Variants in CSMD1 observed in about 807,000 individuals in gnomAD.
The protein encoded by CSMD1 is CUB and sushi domain-containing protein 1.
A neutral mutation model predicts 417.5 loss-of-function variants in CSMD1; 213 were observed. The ratio of observed to expected loss-of-function variants is 0.51; its 90% CI spans 0.46 to 0.57. The LOEUF (loss-of-function observed/expected upper bound fraction) is 0.57, where lower values mean the gene tolerates loss of function less well. CSMD1 is among the 20% of genes least tolerant of loss of function. The pLI is 0.00. For synonymous variants in CSMD1, 2,862 were observed against 1,736.8 expected, an observed-to-expected ratio of 1.65 and a Z score of -16.11; for missense variants, 6,923 against 4,529.7, an observed-to-expected ratio of 1.53 and a Z score of -15.17.
intron 1 of CSMD1, among the ~76,000 whole-genome samples, chr8:4,791,676 G>C (rs565254430): frequency 6.6e-6 from 1 of 152,270 alleles, no homozygotes; most frequent in East Asian, 1.9e-4. Flanking sequence ...TTAAGACATG[G>C]AGAGAGAGGC....
chr8:4,969,280 A>G (rs1387321111), intron 1 of CSMD1, among the ~76,000 whole-genome samples: 1 of 151,962 alleles, frequency 6.6e-6, no homozygotes, highest in African/African-American at 2.4e-5. Flanking sequence ...GGCATTTTCA[A>G]TTTGCTAGGG....
intron 30 of CSMD1, among the ~76,000 whole-genome samples, chr8:3,206,971 G>T (rs1435818472): frequency 6.6e-6 from 1 of 151,950 alleles, no homozygotes. Context: ...ACCAGCGTGG[G>T]AGCCACTCAG....
At chr8:4,588,073 A>G (rs1799793041) in intron 2 of CSMD1, among the ~76,000 whole-genome samples, 1 of 152,184 alleles carries the variant, frequency 6.6e-6, no homozygotes, top group Admixed American at 6.5e-5. Context: ...AAAATCTAAT[A>G]CATGTTCAGT....
chr8:4,353,096 G>T (rs191765008), intron 3 of CSMD1, among the ~76,000 whole-genome samples: 1 of 152,166 alleles, frequency 6.6e-6, no homozygotes, highest in Non-Finnish European at 1.5e-5. Flanking sequence ...TTTTTTACCT[G>T]AAGTAATATA....
intron 37 of CSMD1, among the ~76,000 whole-genome samples, chr8:3,178,067 G>A (rs749037784): frequency 2.6e-5 from 4 of 152,148 alleles, no homozygotes; most frequent in Non-Finnish European, 5.9e-5. Context: ...GATTCTGTAA[G>A]ATTACAAAGA....
chr8:4,489,486 C>T (rs1801588966), intron 2 of CSMD1, among the ~76,000 whole-genome samples: 2 of 152,164 alleles, frequency 1.3e-5, no homozygotes, highest in Admixed American at 1.3e-4. Context: ...CCATATGCCC[C>T]ACCAGAAACG....
chr8:4,156,474 AT>A (rs1220711248), intron 3 of CSMD1, among the ~76,000 whole-genome samples: 1 of 152,134 alleles, frequency 6.6e-6, no homozygotes, highest in Non-Finnish European at 1.5e-5. Flanking sequence ...TTTATTGAGC[AT>A]TTTTATGTCC....
At chr8:4,083,992 T>C (rs999073914) in intron 3 of CSMD1, among the ~76,000 whole-genome samples, 1 of 151,926 alleles carries the variant, frequency 6.6e-6, no homozygotes, top group African/African-American at 2.4e-5. Flanking sequence ...CAAACAAATT[T>C]ACAAGAAAAA....
At chr8:4,065,121 T>C (rs765917207) in intron 3 of CSMD1, among the ~76,000 whole-genome samples, 12 of 152,262 alleles carry the variant, frequency 7.9e-5, no homozygotes, top group Admixed American at 5.9e-4. Flanking sequence ...TTCTAGTTTA[T>C]GTTTTTAGAG....
At chr8:3,383,816 G>A (rs1810793156) in intron 18 of CSMD1, among the ~76,000 whole-genome samples, 1 of 152,052 alleles carries the variant, frequency 6.6e-6, no homozygotes, top group African/African-American at 2.4e-5. Context: ...AATGTGCTCA[G>A]AACAACTGAA....
chr8:4,097,371 C>A (rs771496334), intron 3 of CSMD1, among the ~76,000 whole-genome samples: 2 of 152,184 alleles, frequency 1.3e-5, no homozygotes, highest in Non-Finnish European at 2.9e-5. Flanking sequence ...AGAATGCTTA[C>A]CACACACGGG....
At chr8:3,724,885 C>T (rs1802395878) in intron 6 of CSMD1, among the ~76,000 whole-genome samples, 1 of 152,160 alleles carries the variant, frequency 6.6e-6, no homozygotes, top group Non-Finnish European at 1.5e-5. Context: ...AGACTATTGT[C>T]GCTATTAGAT....
intron 30 of CSMD1, among the ~76,000 whole-genome samples, chr8:3,212,741 G>A (rs756562805): frequency 2.0e-5 from 3 of 152,032 alleles, no homozygotes; most frequent in Admixed American, 2.0e-4. Context: ...ATAAGAGAAT[G>A]GACTTAGAAA....
chr8:2,977,695 A>G (rs1167845210), intron 55 of CSMD1, among the ~76,000 whole-genome samples: 1 of 152,226 alleles, frequency 6.6e-6, no homozygotes, highest in South Asian at 2.1e-4. Flanking sequence ...CAAAGGTCTA[A>G]TATCCAGAAT....
chr8:4,330,052 T>A (rs753990325), intron 3 of CSMD1, among the ~76,000 whole-genome samples: 7 of 152,186 alleles, frequency 4.6e-5, no homozygotes, highest in Non-Finnish European at 1.0e-4. Context: ...CTTTTCTTCA[T>A]AAATTATGCA....
At chr8:4,394,878 C>G (rs531979390) in intron 3 of CSMD1, among the ~76,000 whole-genome samples, 4 of 152,166 alleles carry the variant, frequency 2.6e-5, no homozygotes, top group African/African-American at 9.7e-5. Flanking sequence ...ACAACCTTGT[C>G]TACACGTCTG....
chr8:3,974,061 C>T (rs1037563393), intron 5 of CSMD1, among the ~76,000 whole-genome samples: 5 of 152,014 alleles, frequency 3.3e-5, no homozygotes, highest in African/African-American at 1.2e-4. Context: ...ATAGTCTCCT[C>T]GTTGTGCTCT....
chr8:3,993,829 T>C (rs551537415), intron 5 of CSMD1, among the ~76,000 whole-genome samples: 2 of 152,354 alleles, frequency 1.3e-5, no homozygotes, highest in African/African-American at 4.8e-5. Context: ...TATGTAGTGT[T>C]CTTCCAGGTA....
At position 3,991,383 on chromosome 8, in the gene CSMD1, T is replaced by G. The variant is rs771571131; in HGVS notation, c.818+6520A>C. On this transcript the variant is annotated intron_variant, in intron 5 of 69. Coordinates refer to ENST00000635120, the MANE Select transcript of CSMD1 (RefSeq NM_033225.6). ...TACCTAAGACTTCAGTGCGTCACGGTTGCATATATAACCCTGTTTAGTCAC... is the reference window on the plus strand; with the variant it reads ...TACCTAAGACTTCAGTGCGTCACGGGTGCATATATAACCCTGTTTAGTCAC... Among the ~76,000 whole-genome samples, 3 of 152,206 alleles carry G rather than the reference T, an allele frequency of 2.0e-5. No homozygotes were observed. The South Asian group carries it at 6.2e-4, about 31-fold the overall frequency.
Sources: gnomAD v4.1 joint callset for allele counts (sites outside exome capture counted in the v4.1 genomes callset) on GRCh38, gnomAD v4.1.1 for gene constraint, MANE v1.5 for transcripts, NCBI Gene and HGNC (gene_info 2026-07-23, HGNC 2026-07-21) for gene names.